The following DIAPH2 variants were observed in gnomAD, a reference collection of about 807,000 sequenced individuals.
DIAPH2 encodes the protein diaphanous related formin 2.
A neutral mutation model predicts 92.7 loss-of-function variants in DIAPH2; 35 were observed. The ratio of observed to expected loss-of-function variants is 0.38; its 90% CI spans 0.29 to 0.50. The LOEUF (loss-of-function observed/expected upper bound fraction) is 0.50, where lower values mean the gene tolerates loss of function less well. Among genes scored for constraint, DIAPH2 ranks in the 20% least tolerant of loss-of-function variants. The pLI, the probability that DIAPH2 is intolerant of heterozygous loss-of-function variation, is 0.94. For missense variants in DIAPH2, 701 were observed against 819.5 expected, an observed-to-expected ratio of 0.86 and a Z score of 1.77; for synonymous variants, 301 against 280.4, an observed-to-expected ratio of 1.07 and a Z score of -0.73.
intron 1 of DIAPH2, among the ~76,000 whole-genome samples, chrX:96,712,582 T>C (rs1382288604): frequency 9.0e-6 from 1 of 111,300 alleles, no homozygotes; most frequent in Non-Finnish European, 1.9e-5. Flanking sequence ...TTTTAGATAT[T>C]ATCTATTGCC....
intron 20 of DIAPH2, among the ~76,000 whole-genome samples, chrX:97,112,688 C>G (rs2066988525): frequency 9.3e-6 from 1 of 107,782 alleles, no homozygotes; most frequent in African/African-American, 3.4e-5. Flanking sequence ...TTTTCTCACA[C>G]CATTCTCTCT....
chrX:97,183,365 G>A (rs1219156348), intron 22 of DIAPH2, among the ~76,000 whole-genome samples: 1 of 111,518 alleles, frequency 9.0e-6, no homozygotes, highest in Non-Finnish European at 1.9e-5. Context: ...TTAACAAGTG[G>A]ATTAAGGATT....
chrX:97,016,905 C>T (rs897164134), intron 17 of DIAPH2, among the ~76,000 whole-genome samples: 6 of 112,133 alleles, frequency 5.4e-5, no homozygotes, highest in East Asian at 2.8e-4. Flanking sequence ...ATCAGTTTCA[C>T]GGAGAAACGT....
intron 24 of DIAPH2, among the ~76,000 whole-genome samples, chrX:97,380,243 A>C (rs1946641313): frequency 9.0e-6 from 1 of 111,380 alleles, no homozygotes; most frequent in Non-Finnish European, 1.9e-5. Flanking sequence ...CATATTTCTT[A>C]TCTTGTATGA....
chrX:96,765,900 C>G (rs2064301055), intron 4 of DIAPH2, among the ~76,000 whole-genome samples: 1 of 110,894 alleles, frequency 9.0e-6, no homozygotes, highest in Non-Finnish European at 1.9e-5. Flanking sequence ...TTTTTTTGAG[C>G]TGGAATGCCG....
At chrX:97,304,773 C>A (rs1313812781) in intron 23 of DIAPH2, among the ~76,000 whole-genome samples, 1 of 112,086 alleles carries the variant, frequency 8.9e-6, no homozygotes, top group Non-Finnish European at 1.9e-5. Context: ...AAATTGCATT[C>A]TGTATGCTGA....
At chrX:96,688,369 C>G (rs1034985224) in intron 1 of DIAPH2, among the ~76,000 whole-genome samples, 2 of 112,520 alleles carry the variant, frequency 1.8e-5, no homozygotes, top group Non-Finnish European at 3.8e-5. Flanking sequence ...GAGTCTCGCT[C>G]TGTTGCCCAG....
intron 4 of DIAPH2, among the ~76,000 whole-genome samples, chrX:96,789,833 C>T (rs1880950385): frequency 9.0e-6 from 1 of 111,186 alleles, no homozygotes; most frequent in South Asian, 3.8e-4. Context: ...AGTATCTAGG[C>T]ATATTCTCTG....
intron 23 of DIAPH2, among the ~76,000 whole-genome samples, chrX:97,252,216 T>C (rs1422148121): frequency 2.2e-4 from 25 of 111,965 alleles, no homozygotes; most frequent in Non-Finnish European, 1.5e-4. Context: ...GGCAGGGTTT[T>C]CTGTTGCCCA....
intron 23 of DIAPH2, among the ~76,000 whole-genome samples, chrX:97,327,244 G>A (rs1319268476): frequency 4.6e-5 from 5 of 109,063 alleles, no homozygotes; most frequent in Non-Finnish European, 9.5e-5. Flanking sequence ...GATTACAGGT[G>A]CCTGCCACCC....
intron 24 of DIAPH2, among the ~76,000 whole-genome samples, chrX:97,374,216 T>C (rs1379922496): frequency 9.0e-6 from 1 of 111,138 alleles, no homozygotes; most frequent in Non-Finnish European, 1.9e-5. Context: ...ATGCTGTCTG[T>C]AGGAAGAAAT....
chrX:97,294,113 T>C (rs757962720), intron 23 of DIAPH2, among the ~76,000 whole-genome samples: 1 of 111,848 alleles, frequency 8.9e-6, no homozygotes, highest in South Asian at 3.8e-4. Flanking sequence ...TGCCTTCTTA[T>C]CCTGGGTAGG....
chrX:97,228,602 A>G (rs2067984095), intron 22 of DIAPH2, among the ~76,000 whole-genome samples: 1 of 111,733 alleles, frequency 8.9e-6, no homozygotes, highest in South Asian at 3.8e-4. Flanking sequence ...AGCAGTTTAC[A>G]ATTATGTAAA....
intron 22 of DIAPH2, among the ~76,000 whole-genome samples, chrX:97,222,234 C>T (rs770605414): frequency 8.1e-5 from 9 of 110,478 alleles, no homozygotes; most frequent in Middle Eastern, 4.7e-3. Flanking sequence ...GATGGAGTTT[C>T]GCTCTTGTTG....
chrX:96,769,832 G>A (rs754928663), intron 4 of DIAPH2, among the ~76,000 whole-genome samples: 1 of 111,895 alleles, frequency 8.9e-6, no homozygotes, highest in South Asian at 3.8e-4. Flanking sequence ...AGAGCCAAAT[G>A]AACTCCCACC....
At chrX:97,412,331 G>A (rs958580181) in intron 25 of DIAPH2, among the ~76,000 whole-genome samples, 18 of 111,982 alleles carry the variant, frequency 1.6e-4, no homozygotes, top group African/African-American at 5.2e-4. Flanking sequence ...TGAAGGCAGA[G>A]ATAAAGATGT....
intron 17 of DIAPH2, among the ~76,000 whole-genome samples, chrX:97,029,576 T>C (rs1346743466): frequency 9.0e-6 from 1 of 111,558 alleles, no homozygotes; most frequent in Non-Finnish European, 1.9e-5. Flanking sequence ...TTTAATGTCA[T>C]ATTTAAAAAA....
At chrX:97,188,252 T>A (rs761485391) in intron 22 of DIAPH2, among the ~76,000 whole-genome samples, 7 of 111,723 alleles carry the variant, frequency 6.3e-5, no homozygotes, top group Non-Finnish European at 1.3e-4. Flanking sequence ...TTTAGAATAC[T>A]AGGGAGTAAA....
chrX:97,588,363 T>C (rs1055878920), intron 26 of DIAPH2, among the ~76,000 whole-genome samples: 4 of 111,808 alleles, frequency 3.6e-5, no homozygotes, highest in Non-Finnish European at 7.5e-5. Context: ...GTGCTAAGAC[T>C]TCCCTTTCCA....
Sources: allele counts gnomAD v4.1 joint callset (sites outside exome capture counted in the v4.1 genomes callset), GRCh38; gene constraint gnomAD v4.1.1; transcripts MANE v1.5; gene names NCBI Gene and HGNC (gene_info 2026-07-23, HGNC 2026-07-21).